Variants in UTP6 observed in about 807,000 individuals in gnomAD.
UTP6 encodes the protein UTP6 small subunit processome component, also known as U3 small nucleolar RNA-associated protein 6 homolog.
A neutral mutation model predicts 96.5 loss-of-function variants in UTP6; 60 were observed. The ratio of observed to expected loss-of-function variants is 0.62; its 90% CI spans 0.51 to 0.77. The LOEUF is 0.77. Among genes scored for constraint, UTP6 ranks in the 30% least tolerant of loss-of-function variants. UTP6 has a pLI of 0.00. For missense variants in UTP6, 637 were observed against 706.5 expected (o/e 0.90, Z 1.12); for synonymous variants, 215 against 240.1 (o/e 0.90, Z 0.96).
intron 8 of UTP6, 132 bp downstream of exon 8, chr17:31,887,104 C>T: frequency 2.7e-6 from 2 of 732,318 alleles, no homozygotes; most frequent in Admixed American, 2.9e-5. Flanking sequence ...GCCTGTGTGA[C>T]AGACCGAGAC....
intron 7 of UTP6, among the ~76,000 whole-genome samples, chr17:31,888,718 C>G (rs1197518524): frequency 2.0e-5 from 3 of 151,786 alleles, no homozygotes; most frequent in African/African-American, 7.3e-5. Flanking sequence ...GATGTTTGTC[C>G]TTACCCACAC....
intron 16 of UTP6, among the ~76,000 whole-genome samples, chr17:31,871,822 G>A (rs1173303817): frequency 1.3e-5 from 2 of 152,078 alleles, no homozygotes; most frequent in Non-Finnish European, 2.9e-5. Flanking sequence ...GAACCAGGAA[G>A]GCAGAGTTTG....
chr17:31,878,403 A>G, intron 12 of UTP6, 76 bp from the exon 13 acceptor site: 3 of 1,405,266 alleles, frequency 2.1e-6, no homozygotes, highest in Non-Finnish European at 3.0e-6. Context: ...GAACAAAAGC[A>G]GTTTTGCGCA....
At chr17:31,900,437 G>C (rs1056091875) in intron 1 of UTP6, among the ~76,000 whole-genome samples, 4 of 151,928 alleles carry the variant, frequency 2.6e-5, no homozygotes, top group African/African-American at 9.7e-5. Context: ...GACTACAGGC[G>C]CTCACCACCA....
intron 1 of UTP6, chr17:31,901,283 T>A (rs1224958659): frequency 1.0e-5 from 5 of 486,712 alleles, no homozygotes; most frequent in African/African-American, 1.9e-5. Flanking sequence ...GAATCCTGGG[T>A]TTATCACCTT....
At chr17:31,887,172 T>A in intron 8 of UTP6, 64 bp downstream of exon 8, 1 of 1,400,540 alleles carries the variant, frequency 7.1e-7, no homozygotes, top group East Asian at 2.3e-5. Context: ...TTTCTCTTAC[T>A]CCTAAGCAGG....
In UTP6 at chr17:31,886,067, G is replaced by C. The variant is rs375586228; in HGVS notation, c.622-6C>G. 7 of 1,611,302 alleles carry C rather than the reference G, an allele frequency of 4.3e-6. No individual in the cohort carries two copies. The African/African-American group carries it at 9.4e-5, about 22-fold the overall frequency. ...TCAGAATAATCAGGATTCTCCTAAA[G>C]AGTGTTATATCAAACGTAACTTAAC... On this transcript the variant is annotated splice_region_variant and splice_polypyrimidine_tract_variant and intron_variant, in intron 8 of 18. Transcript: ENST00000261708.
At chr17:31,890,620 A>C (rs1281261473) in intron 6 of UTP6, among the ~76,000 whole-genome samples, 1 of 151,506 alleles carries the variant, frequency 6.6e-6, no homozygotes, top group African/African-American at 2.4e-5. Context: ...TCCATGTCAA[A>C]AAAAAAAGTC....
At chr17:31,881,145 T>C (rs1379009427) in intron 10 of UTP6, among the ~76,000 whole-genome samples, 2 of 150,094 alleles carry the variant, frequency 1.3e-5, no homozygotes, top group Non-Finnish European at 1.5e-5. Context: ...CACTCCAGCA[T>C]GGGCGACAGA....
intron 12 of UTP6, 136 bp from the exon 13 acceptor site, chr17:31,878,463 T>C: frequency 1.1e-6 from 1 of 892,046 alleles, no homozygotes; most frequent in South Asian, 1.6e-5. Flanking sequence ...TGGTTTCACT[T>C]ATGAATAGAT....
At position 31,863,519 on chromosome 17, in the gene UTP6, T is replaced by C; in HGVS notation, c.1637-3A>G. On this transcript the variant is annotated splice_polypyrimidine_tract_variant and splice_region_variant and intron_variant, in intron 18 of 18. Coordinates refer to ENST00000261708, the MANE Select transcript of UTP6 (RefSeq NM_018428.3). ...TTTCATATAATCCATCCAAAGATCTTTTAAAAAAAAAACATACAATTAGAT... is the reference window on the plus strand; with the variant it reads ...TTTCATATAATCCATCCAAAGATCTCTTAAAAAAAAAACATACAATTAGAT... 6.3e-7 allele frequency: 1 copy of C among 1,592,036 alleles called. No homozygotes were observed. Among genetic ancestry groups the C allele is most frequent in the Non-Finnish European group, 8.5e-7 (1 of 1,172,730 alleles).
At chr17:31,889,790 G>A (rs555526684) in intron 6 of UTP6, among the ~76,000 whole-genome samples, 2 of 152,026 alleles carry the variant, frequency 1.3e-5, no homozygotes, top group South Asian at 2.1e-4. Context: ...GAGCCACTGC[G>A]CCCGGCCCAC....
rs1904970019 is a variant in UTP6 at position 31,901,364 on chromosome 17, C to G, written c.92+172G>C. ...ATGGGTAAGTAGACGGACGGATTAC[C>G]TTGCAACGAATGAAAAATTAATTCT... On this transcript the variant is annotated intron_variant, in intron 1 of 18. Transcript: ENST00000261708. The G allele has an allele frequency of 1.0e-4, 65 of 634,892 alleles. 1 individual carries two copies. The South Asian group carries it at 1.1e-3, about 11-fold the overall frequency. 39.3% of individuals were successfully genotyped at this position (634,892 alleles called of 1,614,324 possible). A position where few individuals can be genotyped will look rare whatever the true frequency, so the allele number is the denominator to read the frequency against.
intron 15 of UTP6, 36 bp downstream of exon 15, chr17:31,873,637 C>A: frequency 6.2e-7 from 1 of 1,613,726 alleles, no homozygotes; most frequent in East Asian, 2.2e-5. Flanking sequence ...TTCTGCCATT[C>A]CCCACACCAC....
intron 15 of UTP6, 71 bp from the exon 16 acceptor site, chr17:31,873,558 A>T: frequency 6.2e-7 from 1 of 1,605,064 alleles, no homozygotes; most frequent in Non-Finnish European, 8.5e-7. Context: ...ATTTTCCCAG[A>T]ACCACCTGAG....
At chr17:31,875,489 C>T in intron 13 of UTP6, 76 bp from the exon 14 acceptor site, 1 of 1,482,888 alleles carries the variant, frequency 6.7e-7, no homozygotes, top group Non-Finnish European at 9.1e-7. Flanking sequence ...ACCTATGCCT[C>T]ATTTGAGGCA....
At chr17:31,901,479 A>C (rs1904975512) in intron 1 of UTP6, 57 bp downstream of exon 1, 1 of 1,551,510 alleles carries the variant, frequency 6.4e-7, no homozygotes, top group Non-Finnish European at 8.9e-7. Flanking sequence ...CCTGCCACAC[A>C]CTCCCAACCT....
At chr17:31,898,442 T>C (rs1418762951) in intron 2 of UTP6, among the ~76,000 whole-genome samples, 1 of 151,932 alleles carries the variant, frequency 6.6e-6, no homozygotes, top group African/African-American at 2.4e-5. Flanking sequence ...AGATAACTGC[T>C]TGAACCCAGG....
rs977901334 is a variant in UTP6 at position 31,880,764 on chromosome 17, A to G, written c.786-10T>C. On this transcript the variant is annotated splice_polypyrimidine_tract_variant and intron_variant, in intron 10 of 18. Transcript: ENST00000261708. ...GTGTAGAGCCTGAAGGCTGAAAAAT[A>G]CAATTTACTGTTATCAATCCCACAA... 1.9e-6 allele frequency: 3 copies of G among 1,613,742 alleles called. No individual in the cohort carries two copies. The highest frequency in any genetic ancestry group is 2.5e-6 in the Non-Finnish European group (3 of 1,179,956).
Sources: allele counts gnomAD v4.1 joint callset (sites outside exome capture counted in the v4.1 genomes callset), GRCh38; gene constraint gnomAD v4.1.1; transcripts MANE v1.5; gene names NCBI Gene and HGNC (gene_info 2026-07-23, HGNC 2026-07-21).